COA1: variants seen among roughly 807,000 people sequenced by gnomAD.
COA1 encodes the protein cytochrome c oxidase assembly factor 1 homolog.
In COA1, 13 loss-of-function variants were observed where a neutral mutation model predicts 16.0. The ratio of observed to expected loss-of-function variants is 0.81; its 90% CI spans 0.53 to 1.29. COA1 has a LOEUF of 1.29. Among genes scored for constraint, COA1 ranks in the 50% most tolerant of loss-of-function variants. COA1 has a pLI of 0.00. For synonymous variants in COA1, 65 were observed against 65.7 expected (o/e 0.99, Z 0.05); for missense variants, 179 against 177.0 (o/e 1.01, Z -0.06).
intron 6 of COA1, among the ~76,000 whole-genome samples, chr7:43,614,280 G>A (rs1017480298): frequency 2.0e-5 from 3 of 152,136 alleles, no homozygotes; most frequent in Admixed American, 1.3e-4. Context: ...CCGTCTGCAG[G>A]TTTTCTGCCT....
intron 6 of COA1, chr7:43,623,813 A>C: frequency 6.2e-7 from 1 of 1,604,756 alleles, no homozygotes; most frequent in Non-Finnish European, 8.5e-7. Flanking sequence ...AATTTAAGTT[A>C]TTCTGAGGAA....
chr7:43,691,387 GGAAGGAAGGA>G (rs2094332824), intron 1 of COA1, among the ~76,000 whole-genome samples: 1 of 101,640 alleles, frequency 9.8e-6, no homozygotes, highest in Admixed American at 1.1e-4. Context: ...GAGGAAGGAA[GGAAGGAAGGA>G]AGGAAGGAAG....
chr7:43,694,288 T>C (rs898848345), intron 1 of COA1, among the ~76,000 whole-genome samples: 1 of 150,598 alleles, frequency 6.6e-6, no homozygotes, highest in Non-Finnish European at 1.5e-5. Context: ...CTTAATCCCA[T>C]ATCTTCCTTC....
intron 1 of COA1, among the ~76,000 whole-genome samples, chr7:43,662,039 CA>C (rs2092481001): frequency 6.6e-6 from 1 of 152,224 alleles, no homozygotes; most frequent in South Asian, 2.1e-4. Context: ...TAACAGAATA[CA>C]AAAAGGTTTA....
At chr7:43,713,420 C>G (rs760517249) in intron 1 of COA1, among the ~76,000 whole-genome samples, 1 of 152,216 alleles carries the variant, frequency 6.6e-6, no homozygotes, top group South Asian at 2.1e-4. Flanking sequence ...GAATAGAATA[C>G]CAGAACTTAT....
intron 1 of COA1, among the ~76,000 whole-genome samples, chr7:43,712,191 C>G (rs1563456423): frequency 6.6e-6 from 1 of 152,130 alleles, no homozygotes; most frequent in African/African-American, 2.4e-5. Context: ...CGGCTCACTG[C>G]AACCTCCACC....
chr7:43,713,142 G>A (rs2095302028), intron 1 of COA1, among the ~76,000 whole-genome samples: 1 of 152,010 alleles, frequency 6.6e-6, no homozygotes, highest in Admixed American at 6.6e-5. Flanking sequence ...AGTGGAAATG[G>A]GGTTTTGCCA....
intron 1 of COA1, among the ~76,000 whole-genome samples, chr7:43,712,387 A>G (rs996284124): frequency 6.6e-6 from 1 of 152,192 alleles, no homozygotes; most frequent in African/African-American, 2.4e-5. Flanking sequence ...TGCTGGGATT[A>G]CAGGTGTGAG....
At chr7:43,660,560 T>C (rs918092351) in intron 1 of COA1, among the ~76,000 whole-genome samples, 1 of 152,204 alleles carries the variant, frequency 6.6e-6, no homozygotes, top group African/African-American at 2.4e-5. Flanking sequence ...AAGCTGAGAT[T>C]TGGGTTAATT....
chr7:43,684,573 C>T (rs1355110829), intron 1 of COA1, among the ~76,000 whole-genome samples: 1 of 152,058 alleles, frequency 6.6e-6, no homozygotes, highest in Non-Finnish European at 1.5e-5. Flanking sequence ...TGTGGCTAGT[C>T]GTGAGCCAGT....
chr7:43,670,948 G>A (rs1174160831), intron 1 of COA1, among the ~76,000 whole-genome samples: 2 of 152,194 alleles, frequency 1.3e-5, no homozygotes, highest in Non-Finnish European at 2.9e-5. Context: ...AAAAACATCT[G>A]ATGAGAGTTC....
intron 2 of COA1, 136 bp downstream of exon 2, chr7:43,648,464 G>GA: frequency 1.1e-6 from 1 of 905,828 alleles, no homozygotes; most frequent in Non-Finnish European, 1.9e-6. Context: ...TCCCTCCTGT[G>GA]AAGTTAAAGC....
chr7:43,667,819 C>A (rs532267516), intron 1 of COA1, among the ~76,000 whole-genome samples: 50 of 152,220 alleles, frequency 3.3e-4, no homozygotes, highest in African/African-American at 1.2e-3. Flanking sequence ...TATTGCTGAT[C>A]CTTGTTTTGT....
In COA1 at chr7:43,647,534, C is replaced by A. The variant is rs1419693496; in HGVS notation, c.115+1G>T. The A allele has an allele frequency of 1.2e-6, 2 of 1,609,554 alleles. No individual in the cohort carries two copies. Among genetic ancestry groups the A allele is most frequent in the Non-Finnish European group, 1.7e-6 (2 of 1,175,854 alleles). On this transcript the variant is annotated splice_donor_variant, in intron 3 of 5. Coordinates refer to ENST00000223336, the MANE Select transcript of COA1 (RefSeq NM_018224.4). LOFTEE classifies it high-confidence loss of function. ...CCGCAGGCGGCTAGCAGGATACTTA[C>A]TTTGAATGAGGTAATACACAATGGC...
rs187463422 is a variant in COA1 at position 43,692,914 on chromosome 7, C to A, written c.-39+36515G>T. 3.1e-3 allele frequency among the ~76,000 whole-genome samples: 472 copies of A among 152,172 alleles called. 4 individuals are homozygous for A. The highest frequency in any genetic ancestry group is 5.0e-3 in the Admixed American group (77 of 15,284). ...GTTCCTGCTTGGGATACAACCCTGA[C>A]TTAAATGTAATGGCATATTATAATC... On this transcript the variant is annotated intron_variant, in intron 1 of 5. Transcript: ENST00000223336.
chr7:43,688,634 T>G (rs2094142510), intron 1 of COA1, among the ~76,000 whole-genome samples: 1 of 149,106 alleles, frequency 6.7e-6, no homozygotes, highest in Non-Finnish European at 1.5e-5. Context: ...TGTATCCTCA[T>G]AAAAAAAAAA....
At chr7:43,678,962 G>A (rs1267421753) in intron 1 of COA1, among the ~76,000 whole-genome samples, 3 of 152,074 alleles carry the variant, frequency 2.0e-5, no homozygotes, top group African/African-American at 7.2e-5. Flanking sequence ...TTAAGTCAAA[G>A]AAAAATCAAA....
chr7:43,624,541 G>A, intron 6 of COA1: 1 of 1,613,412 alleles, frequency 6.2e-7, no homozygotes, highest in Non-Finnish European at 8.5e-7. Context: ...GCTGAAGAAT[G>A]TCTAAAGCAC....
At chr7:43,688,624 T>C (rs756758547) in intron 1 of COA1, among the ~76,000 whole-genome samples, 14 of 151,898 alleles carry the variant, frequency 9.2e-5, no homozygotes, top group Non-Finnish European at 1.6e-4. Flanking sequence ...AGAAAGTGAA[T>C]GTATCCTCAT....
Sources: allele counts gnomAD v4.1 joint callset (sites outside exome capture counted in the v4.1 genomes callset), GRCh38; gene constraint gnomAD v4.1.1; transcripts MANE v1.5; gene names NCBI Gene and HGNC (gene_info 2026-07-23, HGNC 2026-07-21).